Variants in SMARCAD1 observed in about 807,000 individuals in gnomAD.
SMARCAD1 encodes SNF2 related chromatin remodeling ATPase with DExD box 1, also known as SWI/SNF-related matrix-associated actin-dependent regulator of chromatin subfamily A containing DEAD/H box 1.
Under a neutral mutation model 127.1 loss-of-function variants are expected in SMARCAD1, and 25 were observed. The ratio of observed to expected loss-of-function variants is 0.20; its 90% CI spans 0.14 to 0.27. The LOEUF is 0.27. Among genes scored for constraint, SMARCAD1 ranks in the 10% least tolerant of loss-of-function variants. The pLI, the probability that SMARCAD1 is intolerant of heterozygous loss-of-function variation, is 1.00. For missense variants in SMARCAD1, 807 were observed against 1,206.0 expected (o/e 0.67, Z 4.90); for synonymous variants, 400 against 396.9 (o/e 1.01, Z -0.09).
At chr4:94,285,651 A>G (rs961931409) in intron 23 of SMARCAD1, among the ~76,000 whole-genome samples, 2 of 152,358 alleles carry the variant, frequency 1.3e-5, no homozygotes, top group South Asian at 2.1e-4. Context: ...AAAAATCAAT[A>G]TACTTTAATC....
chr4:94,280,594 A>G lies in SMARCAD1; in HGVS notation c.2421A>G (p.Glu807=). Residue 807 remains glutamate (E), a splice_region_variant and synonymous_variant, in exon 20 of 24, where the codon GAA becomes GAG. Transcript: ENST00000354268. ...ACTGTGTTTTGTTTTGTTTTAAGGAACCTACACATTGTGAGGCTAACCCTG... is the reference window on the plus strand; with the variant it reads ...ACTGTGTTTTGTTTTGTTTTAAGGAGCCTACACATTGTGAGGCTAACCCTG... ...LKEMSQLMLK[E]PTHCEANPDL... 6.2e-7 allele frequency: 1 copy of G among 1,613,104 alleles called. No homozygotes were observed. The highest frequency in any genetic ancestry group is 8.5e-7 in the Non-Finnish European group (1 of 1,179,588).
intron 8 of SMARCAD1, among the ~76,000 whole-genome samples, chr4:94,252,332 C>G (rs1749400197): frequency 6.6e-6 from 1 of 152,144 alleles, no homozygotes; most frequent in South Asian, 2.1e-4. Context: ...TCTGAGACAT[C>G]ATACAGATAC....
At chr4:94,237,236 A>G (rs1321012571) in intron 5 of SMARCAD1, among the ~76,000 whole-genome samples, 21 of 152,102 alleles carry the variant, frequency 1.4e-4, no homozygotes, top group Admixed American at 1.4e-3. Context: ...GTAACAGTGA[A>G]GTTTTGTAGG....
intron 1 of SMARCAD1, 126 bp downstream of exon 1, chr4:94,208,196 G>C (rs768217951): frequency 7.0e-6 from 5 of 712,880 alleles, no homozygotes; most frequent in Non-Finnish European, 1.3e-5. Context: ...CCTTCTAATT[G>C]TTGCGGCCTA....
chr4:94,252,965 G>C lies in SMARCAD1; in HGVS notation c.1239G>C (p.Gln413His), dbSNP rs1749505095. 1 of 1,613,706 alleles carries C rather than the reference G, an allele frequency of 6.2e-7. No individual in the cohort carries two copies. The highest frequency in any genetic ancestry group is 1.3e-5 in the African/African-American group (1 of 74,928). ...CTCAGTGTTCTCAGAAAAAGGCTCA[G>C]AAGATAACAGAACTCCGGCCCTTTA... is the stretch of plus-strand genomic sequence containing the variant. ...LIPQCSQKKAQKITELRPFNS... is the reference protein window; with the variant it reads ...LIPQCSQKKAHKITELRPFNS... The change falls in exon 9 of 24, where the codon CAG becomes CAC. Residue 413 changes from glutamine (Q) to histidine (H), a missense_variant. This residue lies in a region of SMARCAD1 where 257 missense variants were observed against 303.4 expected (regional missense o/e 0.85). Coordinates refer to ENST00000354268, the MANE Select transcript of SMARCAD1 (RefSeq NM_020159.5).
At chr4:94,237,694 T>G (rs1483144823) in intron 5 of SMARCAD1, among the ~76,000 whole-genome samples, 3 of 152,130 alleles carry the variant, frequency 2.0e-5, no homozygotes, top group Non-Finnish European at 4.4e-5. Flanking sequence ...TTGGTTTACA[T>G]CTTTTAAAAA....
Position 94,277,158 on chromosome 4 carries a change from C to G in SMARCAD1, c.2081C>G (p.Thr694Arg). ...ATACGAAGAATGTTTTCCTCTAAGA[C>G]AGTAAGCATAAATGCATATTTTCTC... is the stretch of plus-strand genomic sequence containing the variant. Reference protein sequence around the residue: ...SEIRRMFSSKTKSADEQSIYE... With the variant: ...SEIRRMFSSKRKSADEQSIYE... The change falls in exon 16 of 24, where the codon ACA (threonine) becomes AGA (arginine). Residue 694 changes from threonine to arginine, a missense_variant and splice_region_variant. Physicochemically the swap from Thr to Arg is moderately conservative, Grantham distance 71 (BLOSUM62 -1). Coordinates refer to ENST00000354268, the MANE Select transcript of SMARCAD1 (RefSeq NM_020159.5). The G allele has an allele frequency of 6.2e-7, 1 of 1,613,898 alleles. No individual in the cohort carries two copies. Among genetic ancestry groups the G allele is most frequent in the Non-Finnish European group, 8.5e-7 (1 of 1,179,864 alleles).
rs755524485 is a variant in SMARCAD1 at position 94,272,166 on chromosome 4, G to A, written c.1572+1348G>A. ...CATGCCTGATATTTCTTCTTACAAG[G>A]ACAGTCATATTGGGTTCAGGCCCCA... On this transcript the variant is annotated intron_variant, in intron 11 of 23. Transcript: ENST00000354268. Among the ~76,000 whole-genome samples the A allele has an allele frequency of 2.6e-5, 4 of 151,850 alleles. No homozygotes were observed. In the East Asian group the frequency reaches 5.8e-4, roughly 22 times the overall value.
Position 94,264,951 on chromosome 4 carries a change from A to T in SMARCAD1, c.1481+45A>T, listed in dbSNP as rs1751513713. 2.6e-6 allele frequency: 4 copies of T among 1,540,470 alleles called. No individual in the cohort carries two copies. The East Asian group carries it at 9.4e-5, about 36-fold the overall frequency. On this transcript the variant is annotated intron_variant, in intron 10 of 23. Transcript: ENST00000354268. ...TTTATTCGTATTTTATCTCAATTAT[A>T]CAAAATATCTGAATTTATTTCTGTA...
chr4:94,225,764 A>G (rs1287585868), intron 2 of SMARCAD1, among the ~76,000 whole-genome samples: 1 of 152,232 alleles, frequency 6.6e-6, no homozygotes, highest in Non-Finnish European at 1.5e-5. Flanking sequence ...TAGAGAAATT[A>G]ATAAGATGAA....
At position 94,230,922 on chromosome 4, in the gene SMARCAD1, G is replaced by A. The variant is rs193177696; in HGVS notation, c.369-3032G>A. Among the ~76,000 whole-genome samples, 156 of 152,254 alleles carry A rather than the reference G, an allele frequency of 1.0e-3. 1 individual carries two copies. The highest frequency in any genetic ancestry group is 3.4e-3 in the Middle Eastern group (1 of 294). On this transcript the variant is annotated intron_variant, in intron 3 of 23. Transcript: ENST00000354268. ...AATGTTGCAGAACCCCTGAGGTGAGGGTGGGGCCAAATTTTCAAGGATATG... is the reference window on the plus strand; with the variant it reads ...AATGTTGCAGAACCCCTGAGGTGAGAGTGGGGCCAAATTTTCAAGGATATG...
At chr4:94,266,441 G>GT (rs771497379) in intron 10 of SMARCAD1, among the ~76,000 whole-genome samples, 1 of 151,934 alleles carries the variant, frequency 6.6e-6, no homozygotes, top group African/African-American at 2.4e-5. Context: ...TGTTGTTGTT[G>GT]TTTTTTTAAG....
chr4:94,258,057 G>C (rs1750387824), intron 9 of SMARCAD1, among the ~76,000 whole-genome samples: 1 of 149,438 alleles, frequency 6.7e-6, no homozygotes, highest in Non-Finnish European at 1.5e-5. Flanking sequence ...TTTCCTAGTT[G>C]TTATTTGTCT....
intron 4 of SMARCAD1, among the ~76,000 whole-genome samples, 191 bp from the exon 5 acceptor site, chr4:94,236,761 G>T (rs1366843342): frequency 6.6e-6 from 1 of 152,066 alleles, no homozygotes; most frequent in East Asian, 1.9e-4. Flanking sequence ...TTTAAAATAT[G>T]CTTAAAATTC....
intron 4 of SMARCAD1, among the ~76,000 whole-genome samples, 153 bp downstream of exon 4, chr4:94,234,275 T>C (rs1746294529): frequency 6.6e-6 from 1 of 152,228 alleles, no homozygotes; most frequent in Non-Finnish European, 1.5e-5. Flanking sequence ...CAGACATTTA[T>C]TTATTGAAAG....
intron 5 of SMARCAD1, among the ~76,000 whole-genome samples, chr4:94,238,871 A>G (rs1374541966): frequency 6.6e-6 from 1 of 152,184 alleles, no homozygotes; most frequent in African/African-American, 2.4e-5. Flanking sequence ...AATATTTATT[A>G]TGCTGCTTTT....
intron 2 of SMARCAD1, among the ~76,000 whole-genome samples, chr4:94,211,504 A>G (rs1021148065): frequency 3.3e-5 from 5 of 152,192 alleles, no homozygotes; most frequent in Admixed American, 6.5e-5. Context: ...GTAACTTTTC[A>G]TACTCCCATT....
chr4:94,252,126 A>G (rs1749373404), intron 8 of SMARCAD1, among the ~76,000 whole-genome samples: 1 of 152,260 alleles, frequency 6.6e-6, no homozygotes, highest in Non-Finnish European at 1.5e-5. Flanking sequence ...CTGGGATTAC[A>G]GGCGTGAGCC....
Position 94,274,773 on chromosome 4 carries a change from A to G in SMARCAD1, c.1708A>G (p.Thr570Ala), listed in dbSNP as rs543532635. 3 of 1,613,946 alleles carry G rather than the reference A, an allele frequency of 1.9e-6. No homozygotes were observed. The African/African-American group carries it at 4.0e-5, about 22-fold the overall frequency. The change falls in exon 13 of 24, where the codon ACT becomes GCT. Residue 570 changes from threonine to alanine, a missense_variant. Physicochemically the swap from Thr to Ala is moderately conservative, Grantham distance 58. Around this residue, in one of 8 missense-constraint regions of SMARCAD1, gnomAD observed 148 missense variants for 313.2 expected, o/e 0.47. Transcript: ENST00000354268. The part of the protein sequence containing the change: ...WLREVNLWCP[T>A]LKVLCYYGSQ... Reference sequence around the variant, plus strand: ...AAGGGAAGTTAATTTATGGTGCCCTACTTTGAAGGTCCTCTGTTACTATGG... The same window carrying G: ...AAGGGAAGTTAATTTATGGTGCCCTGCTTTGAAGGTCCTCTGTTACTATGG...
Sources: allele counts gnomAD v4.1 joint callset (sites outside exome capture counted in the v4.1 genomes callset), GRCh38; gene constraint gnomAD v4.1.1; regional missense constraint gnomAD v4.1.1; transcripts MANE v1.5; gene names NCBI Gene and HGNC (gene_info 2026-07-23, HGNC 2026-07-21).